Variants in SAMD5 observed in about 807,000 individuals in gnomAD.
The protein encoded by SAMD5 is sterile alpha motif domain containing 5.
A neutral mutation model predicts 11.3 loss-of-function variants in SAMD5; 13 were observed. The observed-to-expected ratio is 1.15, with a 90% CI of 0.75 to 1.83. The LOEUF is 1.83. SAMD5 is among the 40% of genes most tolerant of loss of function. The probability of loss-of-function intolerance (pLI) is 0.00; values close to 1 mark genes in which losing one functional copy is unlikely to be tolerated. For synonymous variants in SAMD5, 129 were observed against 111.3 expected, an observed-to-expected ratio of 1.16 and a Z score of -1.00; for missense variants, 255 against 239.1, an observed-to-expected ratio of 1.07 and a Z score of -0.44.
At chr6:147,630,327 G>A (rs932371861) in intron 1 of SAMD5, among the ~76,000 whole-genome samples, 3 of 152,146 alleles carry the variant, frequency 2.0e-5, no homozygotes, top group Non-Finnish European at 4.4e-5. Flanking sequence ...TGGGTGATTT[G>A]TACTACAGGA....
intron 1 of SAMD5, chr6:147,733,832 CAG>C (rs1791754138): frequency 1.2e-6 from 1 of 808,962 alleles, no homozygotes; most frequent in African/African-American, 1.9e-5. Flanking sequence ...GAGATTTTTG[CAG>C]AGTTAAAACA....
At chr6:147,809,540 A>G in the SAMD5 span, among the ~76,000 whole-genome samples, 3 of 152,234 alleles carry the variant, frequency 2.0e-5, no homozygotes, top group Non-Finnish European at 2.9e-5. Context: ...GAACAAATGC[A>G]ATTAATACAA....
chr6:147,748,287 C>T, the SAMD5 span, among the ~76,000 whole-genome samples: 1 of 152,154 alleles, frequency 6.6e-6, no homozygotes, highest in South Asian at 2.1e-4. Context: ...GCACATTCAT[C>T]GTTCAGGAGC....
At chr6:147,921,562 C>T in the SAMD5 span, among the ~76,000 whole-genome samples, 1 of 152,218 alleles carries the variant, frequency 6.6e-6, no homozygotes, top group Admixed American at 6.5e-5. Flanking sequence ...TAGTTAAGTC[C>T]ATCATTTTCC....
At chr6:147,811,445 T>A in the SAMD5 span, among the ~76,000 whole-genome samples, 1 of 152,298 alleles carries the variant, frequency 6.6e-6, no homozygotes, top group African/African-American at 2.4e-5. Context: ...AATTTGGAGC[T>A]TTTCCTTAGG....
At chr6:147,857,601 G>A in the SAMD5 span, among the ~76,000 whole-genome samples, 1 of 151,842 alleles carries the variant, frequency 6.6e-6, no homozygotes, top group East Asian at 1.9e-4. Flanking sequence ...TGCCAATATA[G>A]GTAGGTTTAC....
At chr6:147,620,962 C>CTGTGTGTGTGTGTG (rs78040354) in intron 1 of SAMD5, among the ~76,000 whole-genome samples, 10 of 128,548 alleles carry the variant, frequency 7.8e-5, no homozygotes, top group African/African-American at 2.7e-4. Flanking sequence ...GTATGTGCCT[C>CTGTGTGTGTGTGTG]TGTGTGTGTG....
At chr6:147,952,286 A>G in the SAMD5 span, among the ~76,000 whole-genome samples, 1 of 152,198 alleles carries the variant, frequency 6.6e-6, no homozygotes, top group Admixed American at 6.5e-5. Flanking sequence ...ATATATCAAG[A>G]TTATTAAAGA....
At chr6:147,718,971 G>A (rs1042380742) in intron 1 of SAMD5, among the ~76,000 whole-genome samples, 3 of 152,314 alleles carry the variant, frequency 2.0e-5, no homozygotes, top group Non-Finnish European at 2.9e-5. Flanking sequence ...GATTACAGGC[G>A]TGAGCCACCG....
chr6:147,638,693 A>G (rs548024207), intron 1 of SAMD5, among the ~76,000 whole-genome samples: 21 of 152,254 alleles, frequency 1.4e-4, no homozygotes, highest in African/African-American at 4.6e-4. Context: ...GGAGACCTCA[A>G]TCCTTGATGT....
the SAMD5 span, among the ~76,000 whole-genome samples, chr6:147,858,506 A>G: frequency 3.3e-5 from 5 of 152,184 alleles, no homozygotes; most frequent in East Asian, 7.7e-4. Flanking sequence ...TAGATATTGT[A>G]CACTTGGATA....
the SAMD5 span, among the ~76,000 whole-genome samples, chr6:147,772,222 TA>T: frequency 6.6e-6 from 1 of 152,130 alleles, no homozygotes; most frequent in African/African-American, 2.4e-5. Context: ...GTGTTTAATT[TA>T]AAAACCTGCC....
chr6:147,947,014 G>A, the SAMD5 span, among the ~76,000 whole-genome samples: 6 of 152,122 alleles, frequency 3.9e-5, no homozygotes, highest in South Asian at 1.2e-3. Context: ...CCAAATCTAA[G>A]TTTGCAAACT....
chr6:147,537,409 T>A (rs1788526241), intron 1 of SAMD5, among the ~76,000 whole-genome samples: 3 of 152,148 alleles, frequency 2.0e-5, no homozygotes, highest in African/African-American at 7.2e-5. Context: ...CAGGTCACCA[T>A]AACCAAAGTT....
the SAMD5 span, among the ~76,000 whole-genome samples, chr6:147,830,251 CTTTTTTTTTTTTTT>C: frequency 5.9e-5 from 5 of 84,934 alleles, no homozygotes; most frequent in East Asian, 3.6e-4. Flanking sequence ...TTCTTTCTTT[CTTTTTTTTTTTTTT>C]TTTTTTTTTT....
the SAMD5 span, among the ~76,000 whole-genome samples, chr6:147,754,869 G>A: frequency 6.6e-6 from 1 of 152,026 alleles, no homozygotes. Context: ...TGAGTTTACT[G>A]TCAGTGTATG....
chr6:147,760,501 G>T, the SAMD5 span, among the ~76,000 whole-genome samples: 4,250 of 152,084 alleles, frequency 0.028, 164 homozygotes, highest in African/African-American at 0.085. Flanking sequence ...TTACTAGATT[G>T]TAAAACTAAC....
At chr6:147,550,631 G>C (rs1444354372) in intron 1 of SAMD5, among the ~76,000 whole-genome samples, 1 of 152,152 alleles carries the variant, frequency 6.6e-6, no homozygotes, top group East Asian at 1.9e-4. Flanking sequence ...AGGCCATTAT[G>C]TTAAGTTAAA....
chr6:147,769,576 A>G, the SAMD5 span, among the ~76,000 whole-genome samples: 1 of 152,142 alleles, frequency 6.6e-6, no homozygotes, highest in Non-Finnish European at 1.5e-5. Context: ...TCATTTGTAC[A>G]TGTTTGTTTT....
Sources: gnomAD v4.1 joint callset for allele counts (sites outside exome capture counted in the v4.1 genomes callset) on GRCh38, gnomAD v4.1.1 for gene constraint, MANE v1.5 for transcripts, NCBI Gene and HGNC (gene_info 2026-07-23, HGNC 2026-07-21) for gene names.